Variants in SMAP1 observed in about 807,000 individuals in gnomAD.
The protein encoded by SMAP1 is stromal membrane-associated protein 1.
In SMAP1, 24 loss-of-function variants were observed where a neutral mutation model predicts 58.5. The observed-to-expected ratio is 0.41, with a 90% CI of 0.30 to 0.58. The LOEUF (loss-of-function observed/expected upper bound fraction) is 0.58, where lower values mean the gene tolerates loss of function less well. Among genes scored for constraint, SMAP1 ranks in the 20% least tolerant of loss-of-function variants. The pLI is 0.29. For synonymous variants in SMAP1, 216 were observed against 196.6 expected, an observed-to-expected ratio of 1.10 and a Z score of -0.82; for missense variants, 563 against 566.3, an observed-to-expected ratio of 0.99 and a Z score of 0.06.
At chr6:70,840,571 T>C (rs1183614991) in intron 7 of SMAP1, among the ~76,000 whole-genome samples, 1 of 149,964 alleles carries the variant, frequency 6.7e-6, no homozygotes, top group African/African-American at 2.5e-5. Flanking sequence ...AGCATGCTTG[T>C]GTTCCGATCA....
At chr6:70,803,590 G>A (rs1009422218) in intron 6 of SMAP1, among the ~76,000 whole-genome samples, 4 of 152,088 alleles carry the variant, frequency 2.6e-5, no homozygotes, top group African/African-American at 9.7e-5. Context: ...TGATGTTAGG[G>A]TGTCAATTTT....
chr6:70,667,966 C>A lies in SMAP1; in HGVS notation c.-58C>A. On this transcript the variant is annotated 5_prime_UTR_variant, in exon 1 of 11. Transcript: ENST00000370455. ...CGCCAGGTGCGTTCACTCTGCCCGG[C>A]TCCAGCCAGCGTCCGCCGCCGCCGT... 1 of 1,469,124 alleles carries A rather than the reference C, an allele frequency of 6.8e-7. No individual in the cohort carries two copies. Among genetic ancestry groups the A allele is most frequent in the South Asian group, 1.2e-5 (1 of 81,154 alleles). The allele number at this position is 1,469,124 out of a possible 1,614,324, so 91.0% of individuals were successfully genotyped here.
intron 6 of SMAP1, among the ~76,000 whole-genome samples, chr6:70,805,225 G>A (rs1374387218): frequency 6.6e-6 from 1 of 151,738 alleles, no homozygotes; most frequent in African/African-American, 2.4e-5. Context: ...CTCTAATCTT[G>A]TCTTCTTGCT....
intron 4 of SMAP1, among the ~76,000 whole-genome samples, chr6:70,778,567 C>G (rs1767635136): frequency 6.6e-6 from 1 of 152,198 alleles, no homozygotes; most frequent in South Asian, 2.1e-4. Flanking sequence ...CCCAGTTGAT[C>G]ATGAGCAGAT....
rs919824095 is a variant in SMAP1 at position 70,786,201 on chromosome 6, C to G, written c.415-5488C>G. Among the ~76,000 whole-genome samples, 234 of 147,896 alleles carry G rather than the reference C, an allele frequency of 1.6e-3. 1 individual carries two copies. In the East Asian group the frequency reaches 0.044, roughly 28 times the overall value. On this transcript the variant is annotated intron_variant, in intron 4 of 10. Transcript: ENST00000370455. ...ATATAAACAGAACCAAAGACAAAAA[C>G]CACATGATTATCTCAATAGATGCAG...
At chr6:70,855,047 C>CA (rs1771344090) in intron 8 of SMAP1, among the ~76,000 whole-genome samples, 1 of 55,856 alleles carries the variant, frequency 1.8e-5, no homozygotes, top group African/African-American at 6.8e-5. Context: ...CTTTCCTGTT[C>CA]TTTCATATAC....
chr6:70,689,158 G>A (rs888637941), intron 1 of SMAP1, among the ~76,000 whole-genome samples: 5 of 151,952 alleles, frequency 3.3e-5, no homozygotes, highest in African/African-American at 7.3e-5. Context: ...ACAGGTGTGC[G>A]CCACCACGCC....
At chr6:70,683,934 A>T (rs1280877638) in intron 1 of SMAP1, among the ~76,000 whole-genome samples, 1 of 152,176 alleles carries the variant, frequency 6.6e-6, no homozygotes, top group Admixed American at 6.5e-5. Flanking sequence ...TTAATGTGTT[A>T]CCCTTGACCT....
chr6:70,783,846 G>A (rs1207375205), intron 4 of SMAP1, among the ~76,000 whole-genome samples: 9 of 152,164 alleles, frequency 5.9e-5, no homozygotes, highest in Admixed American at 3.3e-4. Context: ...TGAAAGTGAC[G>A]GGGAGAATGG....
At chr6:70,823,381 G>A (rs1457155532) in intron 6 of SMAP1, among the ~76,000 whole-genome samples, 2 of 152,158 alleles carry the variant, frequency 1.3e-5, no homozygotes, top group Non-Finnish European at 2.9e-5. Flanking sequence ...GAGACAGGAT[G>A]GCTGGAGGGG....
chr6:70,810,235 T>A lies in SMAP1; in HGVS notation c.576+11498T>A, dbSNP rs115807602. On this transcript the variant is annotated intron_variant, in intron 6 of 10. Coordinates refer to ENST00000370455, the MANE Select transcript of SMAP1 (RefSeq NM_001044305.3). ...TCAGGCATGCGTAGAACTCCTGAGC[T>A]CAAAGGATCCTTCTGTCTCAGCCTT... is the stretch of plus-strand genomic sequence containing the variant. Among the ~76,000 whole-genome samples, 704 of 152,270 alleles carry A rather than the reference T, an allele frequency of 4.6e-3. 4 individuals are homozygous for A. The highest frequency in any genetic ancestry group is 0.016 in the African/African-American group (673 of 41,542).
chr6:70,774,308 G>C (rs927637588), intron 4 of SMAP1, among the ~76,000 whole-genome samples: 5 of 152,142 alleles, frequency 3.3e-5, no homozygotes, highest in African/African-American at 1.2e-4. Flanking sequence ...TCTCATCCAA[G>C]TTAATTATAT....
chr6:70,687,969 C>A (rs1339001236), intron 1 of SMAP1, among the ~76,000 whole-genome samples: 2 of 152,144 alleles, frequency 1.3e-5, no homozygotes, highest in African/African-American at 2.4e-5. Flanking sequence ...CCCACCCCAC[C>A]CATCCATTCC....
At chr6:70,678,544 ATT>A (rs1766574082) in intron 1 of SMAP1, among the ~76,000 whole-genome samples, 2 of 152,338 alleles carry the variant, frequency 1.3e-5, no homozygotes, top group African/African-American at 4.8e-5. Context: ...CAGTATATTA[ATT>A]TCCTGTTGCT....
chr6:70,819,866 A>G lies in SMAP1; in HGVS notation c.577-17075A>G, dbSNP rs376343680. Among the ~76,000 whole-genome samples, 192 of 152,332 alleles carry G rather than the reference A, an allele frequency of 1.3e-3. 1 individual carries two copies. The highest frequency in any genetic ancestry group is 3.4e-3 in the African/African-American group (143 of 41,578). The stretch of plus-strand genomic sequence containing the variant: ...ATGCTTCTACTTCAGATCATTTTGG[A>G]AAAACCTGTCTTAGCCTGTGGTTTC... On this transcript the variant is annotated intron_variant, in intron 6 of 10. Transcript: ENST00000370455.
At chr6:70,734,538 T>G (rs908027183) in intron 2 of SMAP1, 1 of 152,416 alleles carries the variant, frequency 6.6e-6, no homozygotes, top group Non-Finnish European at 1.5e-5. Context: ...GCCATCACAC[T>G]GATGCACCGG....
chr6:70,736,414 T>C (rs1254021291), intron 2 of SMAP1, among the ~76,000 whole-genome samples: 1 of 152,000 alleles, frequency 6.6e-6, no homozygotes, highest in African/African-American at 2.4e-5. Flanking sequence ...CAAGATATTA[T>C]ACATTTGGGT....
At chr6:70,775,457 T>A (rs1177636252) in intron 4 of SMAP1, among the ~76,000 whole-genome samples, 1 of 152,164 alleles carries the variant, frequency 6.6e-6, no homozygotes, top group African/African-American at 2.4e-5. Context: ...AATAATGGTA[T>A]GCTTAGTTGT....
At chr6:70,669,717 G>C (rs963075346) in intron 1 of SMAP1, among the ~76,000 whole-genome samples, 5 of 152,178 alleles carry the variant, frequency 3.3e-5, no homozygotes, top group Non-Finnish European at 5.9e-5. Context: ...TACACATTTT[G>C]TCATTTTGAG....
Sources: gnomAD v4.1 joint callset for allele counts (sites outside exome capture counted in the v4.1 genomes callset) on GRCh38, gnomAD v4.1.1 for gene constraint, MANE v1.5 for transcripts, NCBI Gene and HGNC (gene_info 2026-07-23, HGNC 2026-07-21) for gene names.